Variants in ANKRD36 observed in about 807,000 individuals in gnomAD.
ANKRD36 encodes the protein ankyrin repeat domain-containing protein 36A.
A neutral mutation model predicts 278.1 loss-of-function variants in ANKRD36; 179 were observed. The observed-to-expected ratio is 0.64, with a 90% CI of 0.57 to 0.73. The LOEUF is 0.73. ANKRD36 is among the 30% of genes least tolerant of loss of function. The pLI is 0.00. For synonymous variants in ANKRD36, 320 were observed against 641.1 expected (o/e 0.50, Z 7.57); for missense variants, 1,159 against 1,956.7 (o/e 0.59, Z 7.69).
At chr2:97,193,112 C>T in intron 38 of ANKRD36, 59 bp downstream of exon 38, 1 of 1,428,166 alleles carries the variant, frequency 7.0e-7, no homozygotes, top group Non-Finnish European at 9.4e-7. Flanking sequence ...AAGTTCTCTT[C>T]CCTGAATAAA....
At chr2:97,202,134 T>C (rs1327465826) in intron 46 of ANKRD36, 68 bp from the exon 47 acceptor site, 3 of 1,598,666 alleles carry the variant, frequency 1.9e-6, no homozygotes, top group African/African-American at 2.7e-5. Flanking sequence ...ATTCTAACAG[T>C]GCTCGAATGT....
intron 36 of ANKRD36, among the ~76,000 whole-genome samples, chr2:97,192,477 T>C (rs1003479695): frequency 5.3e-5 from 8 of 151,710 alleles, no homozygotes; most frequent in African/African-American, 1.9e-4. Flanking sequence ...TTTTGATTTG[T>C]TGCATGAAAG....
At chr2:97,201,220 A>T (rs1290816517) in intron 46 of ANKRD36, among the ~76,000 whole-genome samples, 1 of 151,894 alleles carries the variant, frequency 6.6e-6, no homozygotes, top group Non-Finnish European at 1.5e-5. Context: ...TCTTTTGTTG[A>T]TTTTAGTTAT....
chr2:97,195,843 C>G (rs1407343373), intron 40 of ANKRD36, among the ~76,000 whole-genome samples: 1 of 151,896 alleles, frequency 6.6e-6, no homozygotes, highest in African/African-American at 2.4e-5. Context: ...TTATTATTAT[C>G]TAATGGTTGT....
chr2:97,154,575 C>G (rs2046982113), intron 14 of ANKRD36, 100 bp from the exon 15 acceptor site: 1 of 961,060 alleles, frequency 1.0e-6, no homozygotes, highest in Non-Finnish European at 1.5e-6. Context: ...CTTTGTTTTA[C>G]CATTTTTTTT....
intron 67 of ANKRD36, among the ~76,000 whole-genome samples, chr2:97,231,083 G>T (rs1006748119): frequency 1.3e-5 from 2 of 152,102 alleles, no homozygotes; most frequent in African/African-American, 4.8e-5. Flanking sequence ...CTGCTCGGGG[G>T]TCAGTGGTCA....
chr2:97,177,903 G>C (rs918813221), intron 22 of ANKRD36, among the ~76,000 whole-genome samples: 3 of 151,020 alleles, frequency 2.0e-5, no homozygotes, highest in African/African-American at 7.3e-5. Flanking sequence ...CTACAAAATG[G>C]GAGAAAATTT....
intron 22 of ANKRD36, among the ~76,000 whole-genome samples, chr2:97,173,015 A>G (rs1189804153): frequency 1.3e-5 from 2 of 150,472 alleles, no homozygotes; most frequent in African/African-American, 4.9e-5. Context: ...ACCTGCAAAA[A>G]ATTATGTCAG....
chr2:97,196,829 T>G, intron 42 of ANKRD36, 41 bp downstream of exon 42: 1 of 1,542,620 alleles, frequency 6.5e-7, no homozygotes, highest in Non-Finnish European at 8.7e-7. Context: ...TCAGTCCAGA[T>G]AGATAAGAAG....
Position 97,113,697 on chromosome 2 carries a change from G to C in ANKRD36, c.-43G>C. The C allele has an allele frequency of 6.2e-7, 1 of 1,610,682 alleles. No individual in the cohort carries two copies. Among genetic ancestry groups the C allele is most frequent in the Non-Finnish European group, 8.5e-7 (1 of 1,179,342 alleles). On this transcript the variant is annotated 5_prime_UTR_variant, in exon 1 of 76. Coordinates refer to ENST00000420699, the MANE Select transcript of ANKRD36 (RefSeq NM_001354587.1). ...TTCGGAGGCGGCGATCCCCGAAGGC[G>C]AGCTGAAATACGGCTGCAGGCTACA...
chr2:97,217,033 C>T lies in ANKRD36; in HGVS notation c.3674-144C>T, dbSNP rs199982621. On this transcript the variant is annotated intron_variant, in intron 62 of 75. Transcript: ENST00000420699. ...TATTCAGTGTATTTCTGTCATGTTC[C>T]AATCCCCAGACACAAAGTAGGAAAC... is the stretch of plus-strand genomic sequence containing the variant. 8.8e-6 allele frequency: 13 copies of T among 1,471,502 alleles called. No individual in the cohort carries two copies. In the South Asian group the frequency reaches 1.6e-4, roughly 18 times the overall value. 91.2% of individuals were successfully genotyped at this position (1,471,502 alleles called of 1,614,324 possible).
chr2:97,199,728 C>G (rs534993887), intron 44 of ANKRD36, among the ~76,000 whole-genome samples: 1 of 151,876 alleles, frequency 6.6e-6, no homozygotes, highest in Non-Finnish European at 1.5e-5. Context: ...ACAAGAAACT[C>G]AGGCAAATTA....
chr2:97,220,774 A>ATTTTTTTTTTTTTTTTTT (rs2067344191), intron 66 of ANKRD36, among the ~76,000 whole-genome samples: 2 of 46,388 alleles, frequency 4.3e-5, no homozygotes, highest in Non-Finnish European at 7.3e-5. Context: ...TTTTTTTTTT[A>ATTTTTTTTTTTTTTTTTT]ATTTTTTTTT....
At chr2:97,206,627 T>C (rs1427527059) in intron 52 of ANKRD36, among the ~76,000 whole-genome samples, 2 of 151,366 alleles carry the variant, frequency 1.3e-5, no homozygotes, top group African/African-American at 4.8e-5. Flanking sequence ...GAAGAAGTCA[T>C]TTATATAATT....
intron 62 of ANKRD36, chr2:97,215,962 G>T (rs1432789621): frequency 1.3e-5 from 4 of 310,772 alleles, no homozygotes; most frequent in Non-Finnish European, 2.3e-5. Flanking sequence ...AAGAGGGATT[G>T]TGAGGCAGGA....
chr2:97,207,482 C>G (rs13010003), intron 52 of ANKRD36, among the ~76,000 whole-genome samples: 3,547 of 151,394 alleles, frequency 0.023, 124 homozygotes, highest in African/African-American at 0.08. Flanking sequence ...CATTGATTCT[C>G]AGGTGTATGA....
At chr2:97,178,747 G>T (rs1285841387) in intron 22 of ANKRD36, among the ~76,000 whole-genome samples, 4 of 151,410 alleles carry the variant, frequency 2.6e-5, no homozygotes, top group Non-Finnish European at 5.9e-5. Context: ...GATAGTGGGT[G>T]CAGCGCACCA....
chr2:97,240,982 G>GTTGTT (rs2074244091), intron 68 of ANKRD36, among the ~76,000 whole-genome samples: 1 of 53,000 alleles, frequency 1.9e-5, no homozygotes, highest in African/African-American at 7.9e-5. Flanking sequence ...ACATAACTAT[G>GTTGTT]TTTTTTTTTT....
intron 52 of ANKRD36, 59 bp downstream of exon 52, chr2:97,206,194 C>T: frequency 7.6e-6 from 11 of 1,454,642 alleles, no homozygotes; most frequent in Non-Finnish European, 1.0e-5. Flanking sequence ...AAGTTCTCTT[C>T]CCCAAGTAAA....
Sources: allele counts gnomAD v4.1 joint callset (sites outside exome capture counted in the v4.1 genomes callset), GRCh38; gene constraint gnomAD v4.1.1; transcripts MANE v1.5; gene names NCBI Gene and HGNC (gene_info 2026-07-23, HGNC 2026-07-21).